The following LPCAT1 variants were observed in gnomAD, a reference collection of about 807,000 sequenced individuals.
The protein encoded by LPCAT1 is lysophosphatidylcholine acyltransferase 1.
A neutral mutation model predicts 60.9 loss-of-function variants in LPCAT1; 23 were observed. The ratio of observed to expected loss-of-function variants is 0.38; its 90% CI spans 0.27 to 0.53. The LOEUF (loss-of-function observed/expected upper bound fraction) is 0.53. Among genes scored for constraint, LPCAT1 ranks in the 20% least tolerant of loss-of-function variants. The probability of loss-of-function intolerance (pLI) is 0.82; values close to 1 mark genes in which losing one functional copy is unlikely to be tolerated. For missense variants in LPCAT1, 622 were observed against 723.6 expected (o/e 0.86, Z 1.61); for synonymous variants, 340 against 301.1 (o/e 1.13, Z -1.34).
intron 3 of LPCAT1, among the ~76,000 whole-genome samples, chr5:1,494,359 G>GGGCACAA (rs1476571953): frequency 6.6e-6 from 1 of 152,196 alleles, no homozygotes; most frequent in African/African-American, 2.4e-5. Flanking sequence ...ACAGAAAATG[G>GGGCACAA]GGCACAAGGC....
chr5:1,463,772 T>C lies in LPCAT1; in HGVS notation c.1484A>G (p.Gln495Arg), dbSNP rs1416731706. 1 of 1,614,156 alleles carries C rather than the reference T, an allele frequency of 6.2e-7. No individual in the cohort carries two copies. Among genetic ancestry groups the C allele is most frequent in the Non-Finnish European group, 8.5e-7 (1 of 1,180,056 alleles). Residue 495 changes from glutamine to arginine, a missense_variant, in exon 14 of 14, where the codon CAG (glutamine) becomes CGG (arginine). By Grantham distance (43) the Gln-to-Arg change is conservative. This residue lies in a region of LPCAT1 where 288 missense variants were observed against 283.6 expected (regional missense o/e 1.02). Transcript: ENST00000283415. ...AFAEEYLYPD[Q>R]THFESCAETS... ...CTCTGCACAGCTTTCGAAATGTGTC[T>C]GATCCGGGTACAGGTATTCCTCTGC...
At position 1,480,847 on chromosome 5, in the gene LPCAT1, C is replaced by T. The variant is rs1735109663; in HGVS notation, c.761+95G>A. The T allele has an allele frequency of 6.8e-7, 1 of 1,462,896 alleles. No individual in the cohort carries two copies. The allele number at this position is 1,462,896 out of a possible 1,614,324, so 90.6% of individuals were successfully genotyped here. A position where few individuals can be genotyped will look rare whatever the true frequency, so the allele number is the denominator to read the frequency against. ...GGCTGTCCCACACCTGCTTTCACAA[C>T]TGCAAAAGTAACTAGCGTGCACAGC... On this transcript the variant is annotated intron_variant, in intron 7 of 13. Coordinates refer to ENST00000283415, the MANE Select transcript of LPCAT1 (RefSeq NM_024830.5). The surrounding 1 kb of genome is among the most constrained non-coding windows in gnomAD (Gnocchi z 6.4).
chr5:1,501,905 C>T (rs1056413360), intron 1 of LPCAT1, among the ~76,000 whole-genome samples: 1 of 152,070 alleles, frequency 6.6e-6, no homozygotes. Flanking sequence ...CAAGGCTGAC[C>T]GGTGCTGACC....
chr5:1,505,723 C>T (rs1736164859), intron 1 of LPCAT1, among the ~76,000 whole-genome samples: 1 of 152,242 alleles, frequency 6.6e-6, no homozygotes, highest in Admixed American at 6.5e-5. Flanking sequence ...TCGACTTACA[C>T]ATTCCTGCAC....
At chr5:1,478,537 C>T (rs1191068165) in intron 8 of LPCAT1, among the ~76,000 whole-genome samples, 1 of 152,270 alleles carries the variant, frequency 6.6e-6, no homozygotes. Flanking sequence ...GTGCTCGAGG[C>T]CTGGCCTGCA....
At chr5:1,474,956 A>G (rs1291656579) in intron 9 of LPCAT1, among the ~76,000 whole-genome samples, 1 of 152,262 alleles carries the variant, frequency 6.6e-6, no homozygotes, top group Non-Finnish European at 1.5e-5. Flanking sequence ...CAGCGTGAGA[A>G]TTACCAACAT....
At chr5:1,517,149 G>A (rs543138395) in intron 1 of LPCAT1, among the ~76,000 whole-genome samples, 26 of 152,200 alleles carry the variant, frequency 1.7e-4, no homozygotes, top group Non-Finnish European at 3.2e-4. Context: ...GGAAATGCTG[G>A]AAACAGTAAC....
At chr5:1,514,975 T>C (rs563902669) in intron 1 of LPCAT1, among the ~76,000 whole-genome samples, 2 of 152,344 alleles carry the variant, frequency 1.3e-5, no homozygotes, top group South Asian at 4.1e-4. Context: ...GTGGCATTTC[T>C]AGCTGCTTGC....
At chr5:1,485,317 C>T (rs1735329958) in intron 5 of LPCAT1, among the ~76,000 whole-genome samples, 2 of 152,130 alleles carry the variant, frequency 1.3e-5, no homozygotes, top group South Asian at 4.1e-4. Context: ...CCTCCCTAGT[C>T]TCCCAGGGGC....
chr5:1,508,052 C>T (rs989162332), intron 1 of LPCAT1, among the ~76,000 whole-genome samples: 7 of 152,192 alleles, frequency 4.6e-5, no homozygotes, highest in African/African-American at 1.7e-4. Flanking sequence ...ATCTATTGAC[C>T]CGGAGGGGGT....
intron 3 of LPCAT1, among the ~76,000 whole-genome samples, chr5:1,492,130 T>A (rs1735608768): frequency 7.2e-6 from 1 of 138,618 alleles, no homozygotes; most frequent in Non-Finnish European, 1.5e-5. Context: ...CCAGGGGAGA[T>A]TATCTCTGAG....
At position 1,487,946 on chromosome 5, in the gene LPCAT1, G is replaced by A. The variant is rs1735433449; in HGVS notation, c.667+445C>T. On this transcript the variant is annotated intron_variant, in intron 5 of 13. Transcript: ENST00000283415. The surrounding 1 kb of genome is among the most constrained non-coding windows in gnomAD (Gnocchi z 6.1). The stretch of plus-strand genomic sequence containing the variant: ...CACGCATTTGAGTCCCCCCTCCCCA[G>A]GGAGAAAGAACACTGTCTAACTGGG... 6.6e-6 allele frequency among the ~76,000 whole-genome samples: 1 copy of A among 152,158 alleles called. No individual in the cohort carries two copies. Among genetic ancestry groups the A allele is most frequent in the African/African-American group, 2.4e-5 (1 of 41,432 alleles).
At position 1,468,802 on chromosome 5, in the gene LPCAT1, G is replaced by T. The variant is rs145964094; in HGVS notation, c.1279-1912C>A. On this transcript the variant is annotated intron_variant, in intron 12 of 13. Transcript: ENST00000283415. ...GGGTCCTAGGTGCTAGGAGTTCTGT[G>T]TCCACAGTCAGCCTGGGGGGCAGCT... is the stretch of plus-strand genomic sequence containing the variant. Among the ~76,000 whole-genome samples the T allele has an allele frequency of 4.1e-3, 632 of 152,356 alleles. 10 individuals carry two copies. The highest frequency in any genetic ancestry group is 0.014 in the African/African-American group (588 of 41,572).
intron 1 of LPCAT1, among the ~76,000 whole-genome samples, chr5:1,509,588 C>A (rs1482200288): frequency 6.6e-6 from 1 of 152,208 alleles, no homozygotes; most frequent in Admixed American, 6.5e-5. Flanking sequence ...CTGGAGGGAG[C>A]TTCGGGAATC....
rs1734098605 is a variant in LPCAT1 at position 1,461,669 on chromosome 5, CGAAGA to C, written c.*1977_*1981del. ...AATATCCGCCAACTCTAAGTCGCCA[CGAAGA>C]GAAAAGAGAATCAGGAGGAACAAAC... On this transcript the variant is annotated 3_prime_UTR_variant, in exon 14 of 14. Coordinates refer to ENST00000283415, the MANE Select transcript of LPCAT1 (RefSeq NM_024830.5). The C allele has an allele frequency of 6.5e-6, 1 of 152,898 alleles. No homozygotes were observed. The highest frequency in any genetic ancestry group is 6.5e-5 in the Admixed American group (1 of 15,294). The allele number at this position is 152,898 out of a possible 1,614,324, so 9.5% of individuals were successfully genotyped here.
At chr5:1,475,397 G>A (rs2126505635) in intron 9 of LPCAT1, among the ~76,000 whole-genome samples, 1 of 152,250 alleles carries the variant, frequency 6.6e-6, no homozygotes, top group Admixed American at 6.5e-5. Flanking sequence ...AGGAGCCCTG[G>A]CTGGGAGAAC....
rs950934324 is a variant in LPCAT1 at position 1,494,806 on chromosome 5, G to A, written c.387C>T (p.Ile129=). ...GRQALPTEAA[I]LTLAPHSSYF... ...AGGACGAGTGAGGCGCGAGCGTGAG[G>A]ATGGCCGCCTCGGTGGGCAGCGCCT... Residue 129 remains isoleucine, a synonymous_variant, in exon 3 of 14, where the codon ATC becomes ATT. Coordinates refer to ENST00000283415, the MANE Select transcript of LPCAT1 (RefSeq NM_024830.5). 1 of 1,614,086 alleles carries A rather than the reference G, an allele frequency of 6.2e-7. No homozygotes were observed. The highest frequency in any genetic ancestry group is 2.2e-5 in the East Asian group (1 of 44,876).
At position 1,475,096 on chromosome 5, in the gene LPCAT1, G is replaced by A. The variant is rs1448973764; in HGVS notation, c.900-411C>T. Among the ~76,000 whole-genome samples the A allele has an allele frequency of 3.3e-5, 5 of 152,350 alleles. No homozygotes were observed. In the East Asian group the frequency reaches 5.8e-4, roughly 18 times the overall value. ...TGCTCAACACAGGGTTGCCACAAAC[G>A]TGAAGCAACTGTCTGTGAAGCACAG... On this transcript the variant is annotated intron_variant, in intron 9 of 13. Transcript: ENST00000283415.
intron 10 of LPCAT1, 126 bp downstream of exon 10, chr5:1,474,434 G>A: frequency 7.8e-7 from 1 of 1,282,952 alleles, no homozygotes. Context: ...GTTGATATTT[G>A]AAAAAAGCCA....
Sources: gnomAD v4.1 joint callset for allele counts (sites outside exome capture counted in the v4.1 genomes callset) on GRCh38, gnomAD v4.1.1 for gene constraint, gnomAD v4.1.1 regional missense constraint, Gnocchi (gnomAD v3.1) non-coding constraint, MANE v1.5 for transcripts, NCBI Gene and HGNC (gene_info 2026-07-23, HGNC 2026-07-21) for gene names.